CDH4: variants seen among roughly 807,000 people sequenced by gnomAD.
CDH4 encodes cadherin-4.
Under a neutral mutation model 86.0 loss-of-function variants are expected in CDH4, and 33 were observed. That is an observed-to-expected ratio of 0.38 (90% CI 0.29 to 0.51). The LOEUF (loss-of-function observed/expected upper bound fraction) is 0.51, where lower values mean the gene tolerates loss of function less well. CDH4 is among the 20% of genes least tolerant of loss of function. The probability of loss-of-function intolerance (pLI) is 0.86; values close to 1 mark genes in which losing one functional copy is unlikely to be tolerated. For synonymous variants in CDH4, 555 were observed against 549.4 expected (o/e 1.01, Z -0.14); for missense variants, 1,114 against 1,307.4 (o/e 0.85, Z 2.28).
intron 2 of CDH4, among the ~76,000 whole-genome samples, chr20:61,636,360 A>C (rs956737697): frequency 2.6e-4 from 39 of 152,262 alleles, no homozygotes; most frequent in African/African-American, 8.9e-4. Flanking sequence ...TCCAATCATT[A>C]AAAATGAAAG....
At chr20:61,887,858 T>A (rs920188093) in intron 7 of CDH4, among the ~76,000 whole-genome samples, 1 of 152,148 alleles carries the variant, frequency 6.6e-6, no homozygotes, top group East Asian at 1.9e-4. Flanking sequence ...CAAATAAACA[T>A]GTAGCTGAGA....
chr20:61,448,080 A>G (rs76854688), intron 2 of CDH4, among the ~76,000 whole-genome samples: 6,221 of 152,322 alleles, frequency 0.041, 440 homozygotes, highest in African/African-American at 0.14. Flanking sequence ...ATCAAGGTAG[A>G]AAAGAACCAA....
chr20:61,585,967 G>GAT (rs1490374305), intron 2 of CDH4, among the ~76,000 whole-genome samples: 2 of 130,380 alleles, frequency 1.5e-5, no homozygotes, highest in Admixed American at 1.6e-4. Context: ...TGATGGTGAT[G>GAT]GTGATGATGT....
intron 2 of CDH4, among the ~76,000 whole-genome samples, chr20:61,376,379 A>G (rs2084872586): frequency 6.6e-6 from 1 of 152,040 alleles, no homozygotes; most frequent in South Asian, 2.1e-4. Flanking sequence ...GAGGAGCCGG[A>G]GCCATCTTCT....
At chr20:61,583,164 G>C (rs2086442829) in intron 2 of CDH4, among the ~76,000 whole-genome samples, 1 of 111,490 alleles carries the variant, frequency 9.0e-6, no homozygotes, top group African/African-American at 3.2e-5. Context: ...GGGACAGAGG[G>C]CTCTGCGGGG....
At chr20:61,381,671 C>T (rs1018944613) in intron 2 of CDH4, among the ~76,000 whole-genome samples, 3 of 152,072 alleles carry the variant, frequency 2.0e-5, no homozygotes, top group African/African-American at 7.2e-5. Flanking sequence ...AGTTAACCCC[C>T]CCACCTAAGG....
intron 2 of CDH4, among the ~76,000 whole-genome samples, chr20:61,420,913 CA>C (rs2085174374): frequency 6.6e-6 from 1 of 152,250 alleles, no homozygotes. Flanking sequence ...GACGATAGGA[CA>C]GGGGTGACCC....
intron 5 of CDH4, among the ~76,000 whole-genome samples, chr20:61,846,017 C>T (rs779046280): frequency 4.6e-5 from 7 of 152,252 alleles, no homozygotes; most frequent in Non-Finnish European, 8.8e-5. Flanking sequence ...AGGGGGCTCA[C>T]TAAGCATTCA....
chr20:61,295,421 A>G (rs905125855), intron 2 of CDH4, among the ~76,000 whole-genome samples: 8 of 152,188 alleles, frequency 5.3e-5, no homozygotes, highest in African/African-American at 1.7e-4. Flanking sequence ...GGATTGCGAC[A>G]TTTGTCCCTG....
intron 11 of CDH4, among the ~76,000 whole-genome samples, chr20:61,927,500 G>A (rs1035445509): frequency 6.6e-5 from 10 of 152,196 alleles, no homozygotes; most frequent in African/African-American, 1.7e-4. Context: ...GAGCGGCCGC[G>A]CCTGCTTTTC....
intron 2 of CDH4, among the ~76,000 whole-genome samples, chr20:61,336,250 T>C (rs2084616373): frequency 6.6e-6 from 1 of 152,190 alleles, no homozygotes; most frequent in African/African-American, 2.4e-5. Context: ...GCCTTTTTTT[T>C]CTTATCTATA....
chr20:61,576,796 G>A lies in CDH4; in HGVS notation c.170-166767G>A, dbSNP rs77412169. Among the ~76,000 whole-genome samples the A allele has an allele frequency of 9.0e-3, 1,372 of 152,302 alleles. 6 individuals are homozygous for A. The highest frequency in any genetic ancestry group is 0.023 in the Admixed American group (354 of 15,298). On this transcript the variant is annotated intron_variant, in intron 2 of 15. Transcript: ENST00000614565. ...GAAGTAAGAGGGCCTGTATGAGTGC[G>A]TGGATTTCTCTGTGGCAAAATGTGT... is the stretch of plus-strand genomic sequence containing the variant.
chr20:61,255,975 C>T (rs1380695533), intron 2 of CDH4, among the ~76,000 whole-genome samples: 1 of 152,166 alleles, frequency 6.6e-6, no homozygotes, highest in Non-Finnish European at 1.5e-5. Flanking sequence ...AACTGTGATA[C>T]TACTGACTCA....
intron 2 of CDH4, among the ~76,000 whole-genome samples, chr20:61,497,526 A>G (rs1346754048): frequency 6.6e-6 from 1 of 152,252 alleles, no homozygotes; most frequent in Admixed American, 6.5e-5. Flanking sequence ...CACACCAGTT[A>G]GAATGGCGAT....
intron 2 of CDH4, among the ~76,000 whole-genome samples, chr20:61,523,576 C>A (rs917073581): frequency 6.6e-6 from 1 of 152,260 alleles, no homozygotes; most frequent in Admixed American, 6.5e-5. Flanking sequence ...ATTCTATAAA[C>A]ACCAGGGCAG....
At chr20:61,479,005 T>C (rs1010778971) in intron 2 of CDH4, among the ~76,000 whole-genome samples, 26 of 148,248 alleles carry the variant, frequency 1.8e-4, no homozygotes, top group Non-Finnish European at 3.4e-4. Flanking sequence ...GCTGAAGGGG[T>C]GTGTGTTTGT....
At chr20:61,318,302 C>T (rs745580451) in intron 2 of CDH4, among the ~76,000 whole-genome samples, 1 of 152,228 alleles carries the variant, frequency 6.6e-6, no homozygotes, top group African/African-American at 2.4e-5. Flanking sequence ...AGACACCAGC[C>T]TGGGATTCAC....
intron 2 of CDH4, among the ~76,000 whole-genome samples, chr20:61,256,754 A>G (rs567167153): frequency 7.9e-5 from 12 of 152,342 alleles, no homozygotes; most frequent in African/African-American, 2.4e-4. Flanking sequence ...GAATCTCCCA[A>G]GCACCTGAGC....
rs73304681 is a variant in CDH4, at chr20:61,627,897, C to G, written c.170-115666C>G. Reference sequence around the variant, plus strand: ...CGGTGTCCCCCAGCGAGGCCCAGGACTTGTTCTCACCCCTCCCTTCCCTGC... The same window carrying G: ...CGGTGTCCCCCAGCGAGGCCCAGGAGTTGTTCTCACCCCTCCCTTCCCTGC... On this transcript the variant is annotated intron_variant, in intron 2 of 15. Coordinates refer to ENST00000614565, the MANE Select transcript of CDH4 (RefSeq NM_001794.5). 3.7e-3 allele frequency among the ~76,000 whole-genome samples: 560 copies of G among 152,232 alleles called. 3 individuals carry two copies. Among genetic ancestry groups the G allele is most frequent in the African/African-American group, 0.013 (538 of 41,546 alleles).
Sources: gnomAD v4.1 joint callset for allele counts (sites outside exome capture counted in the v4.1 genomes callset) on GRCh38, gnomAD v4.1.1 for gene constraint, MANE v1.5 for transcripts, NCBI Gene and HGNC (gene_info 2026-07-23, HGNC 2026-07-21) for gene names.